Variants in ZNF766 observed in about 807,000 individuals in gnomAD.
ZNF766 encodes the protein zinc finger protein 766.
A neutral mutation model predicts 13.2 loss-of-function variants in ZNF766; 13 were observed. The observed-to-expected ratio is 0.98, with a 90% CI of 0.64 to 1.56. ZNF766 has a LOEUF of 1.56. Among genes scored for constraint, ZNF766 ranks in the 40% most tolerant of loss-of-function variants. The pLI, the probability that ZNF766 is intolerant of heterozygous loss-of-function variation, is 0.00. For synonymous variants in ZNF766, 178 were observed against 187.6 expected, an observed-to-expected ratio of 0.95 and a Z score of 0.42; for missense variants, 521 against 552.2, an observed-to-expected ratio of 0.94 and a Z score of 0.57.
chr19:52,269,772 G>A, intron 1 of ZNF766, 141 bp downstream of exon 1: 1 of 1,179,890 alleles, frequency 8.5e-7, no homozygotes, highest in Non-Finnish European at 1.2e-6. Context: ...TCCCGTCAGA[G>A]TGTTAAAATC....
chr19:52,282,484 A>C, intron 2 of ZNF766: 1 of 285,746 alleles, frequency 3.5e-6, no homozygotes. Flanking sequence ...AAAAATACAA[A>C]AATTAGCCAG....
At chr19:52,289,555 C>A (rs10411575) in intron 3 of ZNF766, among the ~76,000 whole-genome samples, 2,335 of 152,272 alleles carry the variant, frequency 0.015, 53 homozygotes, top group African/African-American at 0.053. Context: ...CTCAAACTCA[C>A]CTGTAATCCT....
At chr19:52,286,247 T>C (rs1402773993) in intron 3 of ZNF766, among the ~76,000 whole-genome samples, 2 of 151,628 alleles carry the variant, frequency 1.3e-5, no homozygotes, top group Admixed American at 6.6e-5. Context: ...GATGTTACCT[T>C]TCGGCTTTTT....
chr19:52,288,574 TAG>T (rs1981948340), intron 3 of ZNF766, among the ~76,000 whole-genome samples: 1 of 146,032 alleles, frequency 6.8e-6, no homozygotes, highest in East Asian at 2.0e-4. Context: ...TTATTTTGTT[TAG>T]AGATAAGGGG....
chr19:52,281,921 C>G lies in ZNF766; in HGVS notation c.19-190C>G. ...TACACTAGTTTAAAGAATATCATAA[C>G]TTTTTATGGAAAAGTATAATAAAAC... On this transcript the variant is annotated intron_variant, in intron 1 of 3. Coordinates refer to ENST00000439461, the MANE Select transcript of ZNF766 (RefSeq NM_001010851.3). 1.3e-5 allele frequency: 9 copies of G among 686,670 alleles called. 1 individual carries two copies. In the Middle Eastern group the frequency reaches 8.0e-4, roughly 61 times the overall value. 42.5% of individuals were successfully genotyped at this position (686,670 alleles called of 1,614,324 possible).
At position 52,292,146 on chromosome 19, in the gene ZNF766, C is replaced by T. The variant is rs1213265996; in HGVS notation, c.*948C>T. 1 of 702,848 alleles carries T rather than the reference C, an allele frequency of 1.4e-6. No homozygotes were observed. The highest frequency in any genetic ancestry group is 2.6e-6 in the Non-Finnish European group (1 of 384,946). The allele number at this position is 702,848 out of a possible 1,614,324, so 43.5% of individuals were successfully genotyped here. ...GAAATTTCTTCATGTGCCTTCCCTACAGGCCTTTCACTGTGGTCTGGGAAA... is the reference window on the plus strand; with the variant it reads ...GAAATTTCTTCATGTGCCTTCCCTATAGGCCTTTCACTGTGGTCTGGGAAA... On this transcript the variant is annotated 3_prime_UTR_variant, in exon 4 of 4. Transcript: ENST00000439461.
rs539615692 is a variant in ZNF766 at position 52,278,772 on chromosome 19, T to C, written c.19-3339T>C. ...TAAGTTCCTTGTAGATGCTGGATATTAGACCTTTGTTAGATGCATAGTTCG... is the reference window on the plus strand; with the variant it reads ...TAAGTTCCTTGTAGATGCTGGATATCAGACCTTTGTTAGATGCATAGTTCG... On this transcript the variant is annotated intron_variant, in intron 1 of 3. Coordinates refer to ENST00000439461, the MANE Select transcript of ZNF766 (RefSeq NM_001010851.3). Among the ~76,000 whole-genome samples, 24 of 151,108 alleles carry C rather than the reference T, an allele frequency of 1.6e-4. No homozygotes were observed. In the East Asian group the frequency reaches 4.6e-3, roughly 29 times the overall value.
intron 3 of ZNF766, among the ~76,000 whole-genome samples, chr19:52,289,811 T>C (rs879448904): frequency 2.5e-4 from 38 of 152,102 alleles, no homozygotes; most frequent in Non-Finnish European, 4.4e-4. Context: ...CCATCCTGGC[T>C]AACACAGTGA....
chr19:52,290,935 C>G lies in ZNF766; in HGVS notation c.1144C>G (p.Pro382Ala). 1 of 1,614,060 alleles carries G rather than the reference C, an allele frequency of 6.2e-7. No homozygotes were observed. Among genetic ancestry groups the G allele is most frequent in the Non-Finnish European group, 8.5e-7 (1 of 1,180,010 alleles). Reference protein sequence around the residue: ...VHQRNHNGEKPYKCHECGKVF... With the variant: ...VHQRNHNGEKAYKCHECGKVF... ...TCAGAGAAATCATAATGGAGAGAAA[C>G]CTTATAAATGTCATGAATGTGGCAA... Residue 382 changes from proline to alanine, a missense_variant, in exon 4 of 4, where the codon CCT becomes GCT. Transcript: ENST00000439461.
chr19:52,291,202 T>G lies in ZNF766; in HGVS notation c.*4T>G. 1 of 1,550,262 alleles carries G rather than the reference T, an allele frequency of 6.5e-7. No homozygotes were observed. Among genetic ancestry groups the G allele is most frequent in the Non-Finnish European group, 8.7e-7 (1 of 1,151,176 alleles). ...TGAGAGAGTCCTTACAAACTGAGTT[T>G]GGCAAACTCTATCATAAGTTCTAGC... On this transcript the variant is annotated 3_prime_UTR_variant, in exon 4 of 4. Transcript: ENST00000439461.
intron 1 of ZNF766, among the ~76,000 whole-genome samples, chr19:52,278,628 C>T (rs1981333576): frequency 6.6e-6 from 1 of 152,054 alleles, no homozygotes; most frequent in African/African-American, 2.4e-5. Flanking sequence ...GGTCTCGGAA[C>T]TTCTGATGTC....
intron 1 of ZNF766, among the ~76,000 whole-genome samples, chr19:52,271,476 A>C (rs997423960): frequency 1.3e-5 from 2 of 152,096 alleles, no homozygotes; most frequent in South Asian, 4.1e-4. Context: ...TGTGATCTCT[A>C]CTCAGTAGTA....
intron 1 of ZNF766, among the ~76,000 whole-genome samples, chr19:52,275,784 G>T (rs1028975235): frequency 1.3e-5 from 2 of 150,776 alleles, no homozygotes; most frequent in African/African-American, 2.4e-5. Flanking sequence ...GGGTTCAAGT[G>T]ATTCTCCTGC....
chr19:52,290,265 C>G lies in ZNF766; in HGVS notation c.474C>G (p.Thr158=), dbSNP rs751825132. The G allele has an allele frequency of 1.2e-6, 2 of 1,613,772 alleles. No individual in the cohort carries two copies. The highest frequency in any genetic ancestry group is 1.1e-5 in the South Asian group (1 of 91,036). Reference sequence around the variant, plus strand: ...AAAGAATTTACTCTGGGGTCAAAACCCACATATTTAATAAACATAGGAATG... The same window carrying G: ...AAAGAATTTACTCTGGGGTCAAAACGCACATATTTAATAAACATAGGAATG... ...PLQRIYSGVK[T]HIFNKHRNDF... The change falls in exon 4 of 4, where the codon ACC becomes ACG. Residue 158 remains threonine (T), a synonymous_variant. Transcript: ENST00000439461.
At chr19:52,284,962 G>A (rs1173656424) in intron 3 of ZNF766, 1 of 151,958 alleles carries the variant, frequency 6.6e-6, no homozygotes, top group Non-Finnish European at 1.5e-5. Flanking sequence ...TCATTACTTA[G>A]GCATGATTGG....
intron 1 of ZNF766, among the ~76,000 whole-genome samples, chr19:52,273,172 C>A (rs1219129674): frequency 6.6e-6 from 1 of 152,088 alleles, no homozygotes; most frequent in African/African-American, 2.4e-5. Context: ...TCACGCCCAA[C>A]TAATTGTTTG....
intron 1 of ZNF766, among the ~76,000 whole-genome samples, chr19:52,270,111 G>T (rs970828633): frequency 2.6e-5 from 4 of 152,158 alleles, no homozygotes; most frequent in African/African-American, 9.7e-5. Flanking sequence ...CGCAGTCACG[G>T]CTTCTCCGGA....
intron 1 of ZNF766, among the ~76,000 whole-genome samples, chr19:52,269,853 T>C (rs565534069): frequency 2.6e-5 from 4 of 152,170 alleles, no homozygotes; most frequent in Non-Finnish European, 4.4e-5. Context: ...CGCGCCGTTT[T>C]CCTGCTTAAA....
intron 3 of ZNF766, among the ~76,000 whole-genome samples, chr19:52,285,797 G>A (rs1239240947): frequency 6.6e-6 from 1 of 152,212 alleles, no homozygotes; most frequent in Non-Finnish European, 1.5e-5. Context: ...TCCTGCCTTA[G>A]GGCAGGTGAA....
Sources: gnomAD v4.1 joint callset for allele counts (sites outside exome capture counted in the v4.1 genomes callset) on GRCh38, gnomAD v4.1.1 for gene constraint, MANE v1.5 for transcripts, NCBI Gene and HGNC (gene_info 2026-07-23, HGNC 2026-07-21) for gene names.